The following ASB7 variants were observed in gnomAD, a reference collection of about 807,000 sequenced individuals.
ASB7 encodes ankyrin repeat and SOCS box containing 7, also known as ankyrin repeat and SOCS box protein 7.
Under a neutral mutation model 32.5 loss-of-function variants are expected in ASB7, and 4 were observed. The observed-to-expected ratio is 0.12, with a 90% CI of 0.06 to 0.28. The LOEUF is 0.28. Among genes scored for constraint, ASB7 ranks in the 10% least tolerant of loss-of-function variants. The probability of loss-of-function intolerance (pLI) is 1.00; values close to 1 mark genes in which losing one functional copy is unlikely to be tolerated. For missense variants in ASB7, 181 were observed against 407.1 expected (o/e 0.44, Z 4.78); for synonymous variants, 172 against 155.6 (o/e 1.11, Z -0.78).
chr15:100,634,977 T>A (rs1021575257), intron 5 of ASB7, among the ~76,000 whole-genome samples: 1 of 152,192 alleles, frequency 6.6e-6, no homozygotes, highest in Non-Finnish European at 1.5e-5. Context: ...TTGGCTAGAT[T>A]ATTTGCAGAA....
intron 5 of ASB7, among the ~76,000 whole-genome samples, chr15:100,644,367 G>T (rs1408921742): frequency 6.6e-6 from 1 of 152,188 alleles, no homozygotes; most frequent in African/African-American, 2.4e-5. Context: ...ATCAAATACT[G>T]TAAGCATTTA....
chr15:100,642,812 A>G (rs539292720), intron 5 of ASB7, among the ~76,000 whole-genome samples: 1 of 152,346 alleles, frequency 6.6e-6, no homozygotes, highest in African/African-American at 2.4e-5. Flanking sequence ...CGAGGCAGGC[A>G]GATCACCTGA....
intron 5 of ASB7, among the ~76,000 whole-genome samples, chr15:100,634,095 C>T (rs1597009162): frequency 6.6e-6 from 1 of 152,160 alleles, no homozygotes; most frequent in East Asian, 1.9e-4. Flanking sequence ...AAAGATTGTT[C>T]CTCAGTAAAG....
intron 5 of ASB7, among the ~76,000 whole-genome samples, chr15:100,637,819 T>C (rs918880910): frequency 3.9e-5 from 6 of 152,226 alleles, no homozygotes; most frequent in African/African-American, 1.4e-4. Flanking sequence ...CAAGACAGCA[T>C]GTTGTAACAG....
chr15:100,607,033 G>A (rs2039651311), intron 2 of ASB7, among the ~76,000 whole-genome samples: 1 of 151,896 alleles, frequency 6.6e-6, no homozygotes, highest in Non-Finnish European at 1.5e-5. Flanking sequence ...CGCTCCTGTA[G>A]TCCCAGCTAC....
intron 2 of ASB7, among the ~76,000 whole-genome samples, chr15:100,605,547 C>T (rs796070649): frequency 1.3e-5 from 2 of 152,278 alleles, no homozygotes; most frequent in Admixed American, 6.5e-5. Context: ...AATTTGTTCA[C>T]GTTTAACTTT....
intron 4 of ASB7, among the ~76,000 whole-genome samples, chr15:100,615,231 G>A (rs778746580): frequency 2.0e-5 from 3 of 152,268 alleles, no homozygotes; most frequent in South Asian, 4.1e-4. Context: ...CTGTTGTTAA[G>A]TAGTATATAT....
At chr15:100,612,780 T>A (rs1057278092) in intron 4 of ASB7, among the ~76,000 whole-genome samples, 1 of 152,202 alleles carries the variant, frequency 6.6e-6, no homozygotes. Context: ...AAGTTTCCCC[T>A]GTTGATTATT....
At chr15:100,642,951 G>A (rs1232408908) in intron 5 of ASB7, among the ~76,000 whole-genome samples, 1 of 152,218 alleles carries the variant, frequency 6.6e-6, no homozygotes, top group Non-Finnish European at 1.5e-5. Flanking sequence ...CAGGAGAATC[G>A]CTTGAACCCT....
chr15:100,643,477 C>CTTTTTTTTTT (rs1172063471), intron 5 of ASB7, among the ~76,000 whole-genome samples: 4 of 104,378 alleles, frequency 3.8e-5, no homozygotes, highest in African/African-American at 1.6e-4. Flanking sequence ...GTCCCTTCTT[C>CTTTTTTTTTT]TTTTTTTTTT....
chr15:100,632,928 C>T (rs1488510645), intron 5 of ASB7, among the ~76,000 whole-genome samples: 2 of 151,278 alleles, frequency 1.3e-5, no homozygotes, highest in Admixed American at 1.3e-4. Flanking sequence ...CTTGTTAGTG[C>T]TGAGTAGGGG....
intron 5 of ASB7, among the ~76,000 whole-genome samples, chr15:100,634,728 C>T (rs1021522335): frequency 5.3e-5 from 8 of 152,162 alleles, no homozygotes; most frequent in Non-Finnish European, 1.0e-4. Context: ...CTCTTGAACC[C>T]GGGAGGCTGC....
chr15:100,607,747 G>A (rs779215000), intron 2 of ASB7, among the ~76,000 whole-genome samples: 9 of 152,172 alleles, frequency 5.9e-5, no homozygotes, highest in Admixed American at 1.3e-4. Context: ...ACTGTGCCAC[G>A]TTAAGTGTCA....
rs566275702 is a variant in ASB7 at position 100,650,057 on chromosome 15, A to T, written c.*1595A>T. 1 of 152,342 alleles carries T rather than the reference A, an allele frequency of 6.6e-6. No homozygotes were observed. Among genetic ancestry groups the T allele is most frequent in the African/African-American group, 2.4e-5 (1 of 41,582 alleles). The allele number at this position is 152,342 out of a possible 1,614,324, so 9.4% of individuals were successfully genotyped here. Reference sequence around the variant, plus strand: ...GCACAGCGTTTGCTCTTAGACTCTGATCTGCTTGTGCCTAAGCATTGCACA... The same window carrying T: ...GCACAGCGTTTGCTCTTAGACTCTGTTCTGCTTGTGCCTAAGCATTGCACA... On this transcript the variant is annotated 3_prime_UTR_variant, in exon 6 of 6. Transcript: ENST00000332783.
At chr15:100,603,719 C>T (rs1040564417) in intron 2 of ASB7, among the ~76,000 whole-genome samples, 3 of 152,140 alleles carry the variant, frequency 2.0e-5, no homozygotes, top group Non-Finnish European at 2.9e-5. Context: ...TTACTGTTTT[C>T]CCCCTTACTC....
At chr15:100,641,425 T>A (rs1397120142) in intron 5 of ASB7, among the ~76,000 whole-genome samples, 1 of 152,244 alleles carries the variant, frequency 6.6e-6, no homozygotes, top group Non-Finnish European at 1.5e-5. Flanking sequence ...GTCCTTATTA[T>A]GCCTAAAATT....
chr15:100,645,987 G>T, intron 5 of ASB7: 1 of 498,326 alleles, frequency 2.0e-6, no homozygotes, highest in South Asian at 1.8e-5. Context: ...GTCAGTTTGT[G>T]GATTCCTCCA....
intron 5 of ASB7, among the ~76,000 whole-genome samples, chr15:100,632,041 G>A (rs1204145136): frequency 6.6e-6 from 1 of 152,236 alleles, no homozygotes; most frequent in African/African-American, 2.4e-5. Flanking sequence ...CAAGCACGTG[G>A]GCGGCTGCCG....
At chr15:100,606,114 C>T (rs1408115353) in intron 2 of ASB7, among the ~76,000 whole-genome samples, 1 of 152,136 alleles carries the variant, frequency 6.6e-6, no homozygotes. Flanking sequence ...GCCATGTTCT[C>T]CGTTTTGGTA....
Sources: gnomAD v4.1 joint callset for allele counts (sites outside exome capture counted in the v4.1 genomes callset) on GRCh38, gnomAD v4.1.1 for gene constraint, MANE v1.5 for transcripts, NCBI Gene and HGNC (gene_info 2026-07-23, HGNC 2026-07-21) for gene names.